Variants in LNPK observed in about 807,000 individuals in gnomAD.
The protein encoded by LNPK is endoplasmic reticulum junction formation protein lunapark.
LNPK carries 29 observed loss-of-function variants against 55.2 expected under a neutral mutation model. The observed-to-expected ratio is 0.53, with a 90% confidence interval of 0.39 to 0.72. The LOEUF (loss-of-function observed/expected upper bound fraction) is 0.72, where lower values mean the gene tolerates loss of function less well. LNPK is among the 30% of genes least tolerant of loss of function. The pLI, the probability that LNPK is intolerant of heterozygous loss-of-function variation, is 0.00. For missense variants in LNPK, 467 were observed against 494.8 expected (o/e 0.94, Z 0.53); for synonymous variants, 162 against 168.2 (o/e 0.96, Z 0.29).
chr2:175,989,228 G>C (rs951677972), intron 4 of LNPK, among the ~76,000 whole-genome samples: 5 of 152,112 alleles, frequency 3.3e-5, no homozygotes, highest in Non-Finnish European at 5.9e-5. Context: ...AATTGTATAA[G>C]AACAAATCCC....
At chr2:175,991,454 G>A (rs559363598) in intron 4 of LNPK, among the ~76,000 whole-genome samples, 21 of 152,150 alleles carry the variant, frequency 1.4e-4, no homozygotes, top group Non-Finnish European at 3.1e-4. Context: ...AGCTTCAGGA[G>A]TTTCAAATTG....
chr2:175,994,561 C>T (rs944130418), intron 2 of LNPK, among the ~76,000 whole-genome samples: 9 of 152,042 alleles, frequency 5.9e-5, no homozygotes, highest in Non-Finnish European at 4.4e-5. Context: ...CTAGCTCTGT[C>T]GCCCAGGCTG....
At chr2:176,002,404 T>C (rs975962871), upstream of LNPK, 3 of 348,058 alleles carry the variant, frequency 8.6e-6, no homozygotes, top group East Asian at 9.3e-5. Flanking sequence ...GGCCGGGAGG[T>C]TAGGATCTTG....
At chr2:175,998,205 A>G (rs1688020259) in intron 1 of LNPK, among the ~76,000 whole-genome samples, 1 of 152,112 alleles carries the variant, frequency 6.6e-6, no homozygotes, top group Middle Eastern at 3.2e-3. Context: ...ACACTTTGGG[A>G]GGCCGAGGCG....
chr2:175,969,084 G>C (rs190172124), intron 6 of LNPK, among the ~76,000 whole-genome samples: 241 of 151,592 alleles, frequency 1.6e-3, no homozygotes, highest in Non-Finnish European at 2.3e-3. Context: ...TTAAAGGCTT[G>C]AACAGTCAAG....
At chr2:176,002,409 A>G (rs1559083237), upstream of LNPK, 3 of 339,952 alleles carry the variant, frequency 8.8e-6, no homozygotes, top group Admixed American at 4.1e-5. Context: ...GGAGGTTAGG[A>G]TCTTGTGTTT....
At chr2:175,993,141 A>G (rs200838039) in intron 3 of LNPK, 41 bp downstream of exon 3, 5 of 1,215,746 alleles carry the variant, frequency 4.1e-6, no homozygotes, top group Non-Finnish European at 5.9e-6. Context: ...TTTACTTAAT[A>G]CCTAAAATGA....
At chr2:175,939,758 A>G (rs575455848) in intron 9 of LNPK, 101 bp from the exon 10 acceptor site, 2 of 550,062 alleles carry the variant, frequency 3.6e-6, no homozygotes, top group South Asian at 3.7e-5. Context: ...AAATTTTAAA[A>G]GGTTTTAACA....
intron 4 of LNPK, among the ~76,000 whole-genome samples, chr2:175,983,954 G>T (rs1687292168): frequency 6.6e-6 from 1 of 150,740 alleles, no homozygotes; most frequent in African/African-American, 2.4e-5. Flanking sequence ...AAAATTTAAG[G>T]TATAGAAAAA....
At chr2:175,933,952 C>T (rs1035646430) in intron 12 of LNPK, among the ~76,000 whole-genome samples, 6 of 152,096 alleles carry the variant, frequency 3.9e-5, no homozygotes, top group Non-Finnish European at 7.4e-5. Context: ...AGGCTGGTCT[C>T]GAACTGACCT....
chr2:175,929,353 T>C lies in LNPK; in HGVS notation c.*614A>G. 1.0e-6 allele frequency: 1 copy of C among 985,826 alleles called. No homozygotes were observed. The highest frequency in any genetic ancestry group is 4.7e-5 in the South Asian group (1 of 21,290). The allele number at this position is 985,826 out of a possible 1,614,324, so 61.1% of individuals were successfully genotyped here. A position where few individuals can be genotyped will look rare whatever the true frequency, so the allele number is the denominator to read the frequency against. On this transcript the variant is annotated 3_prime_UTR_variant, in exon 13 of 13. Transcript: ENST00000272748. Reference sequence around the variant, plus strand: ...AGAAACACTGCAGTTGACTGTTTCATTGCATTCTCACTGAGAATTCGTACC... The same window carrying C: ...AGAAACACTGCAGTTGACTGTTTCACTGCATTCTCACTGAGAATTCGTACC...
chr2:175,994,505 A>G (rs1687843228), intron 2 of LNPK, among the ~76,000 whole-genome samples: 1 of 152,124 alleles, frequency 6.6e-6, no homozygotes, highest in Non-Finnish European at 1.5e-5. Flanking sequence ...CTTACTTTTG[A>G]AAAGAGCATT....
intron 9 of LNPK, among the ~76,000 whole-genome samples, chr2:175,945,278 A>C (rs915245545): frequency 6.7e-6 from 1 of 150,134 alleles, no homozygotes; most frequent in African/African-American, 2.4e-5. Flanking sequence ...GGGAGACCAA[A>C]GTGGGCAGAT....
intron 12 of LNPK, among the ~76,000 whole-genome samples, chr2:175,931,420 T>C (rs909498404): frequency 1.3e-5 from 2 of 152,094 alleles, no homozygotes; most frequent in African/African-American, 4.8e-5. Flanking sequence ...GGTTTTACCA[T>C]ACAAGTTTAT....
intron 10 of LNPK, among the ~76,000 whole-genome samples, chr2:175,939,086 A>G (rs1300303329): frequency 1.3e-5 from 2 of 152,106 alleles, no homozygotes; most frequent in Admixed American, 1.3e-4. Flanking sequence ...TTAAAAATCT[A>G]TACTTTGACA....
intron 8 of LNPK, among the ~76,000 whole-genome samples, chr2:175,948,198 T>A (rs1004167211): frequency 3.9e-5 from 6 of 152,352 alleles, no homozygotes; most frequent in Middle Eastern, 3.4e-3. Flanking sequence ...CCATTCTCCT[T>A]TATGGTATTG....
chr2:175,938,220 G>C, intron 11 of LNPK, 93 bp downstream of exon 11: 1 of 750,672 alleles, frequency 1.3e-6, no homozygotes, highest in South Asian at 1.8e-5. Context: ...TACAAAGAGA[G>C]TATATAAAAT....
chr2:175,924,017 A>G lies in LNPK; in HGVS notation c.*5950T>C, dbSNP rs1412352683. 1.3e-5 allele frequency: 2 copies of G among 152,226 alleles called. No individual in the cohort carries two copies. Among genetic ancestry groups the G allele is most frequent in the Non-Finnish European group, 2.9e-5 (2 of 68,024 alleles). The allele number at this position is 152,226 out of a possible 1,614,324, so 9.4% of individuals were successfully genotyped here. A position where few individuals can be genotyped will look rare whatever the true frequency, so the allele number is the denominator to read the frequency against. On this transcript the variant is annotated 3_prime_UTR_variant, in exon 13 of 13. Transcript: ENST00000272748. ...ATTGACCAGTAGAATGCATACACTT[A>G]AAACTTTAATAATTTTGAAACAAGT...
At chr2:175,952,841 T>C (rs550007618) in intron 8 of LNPK, among the ~76,000 whole-genome samples, 2 of 152,238 alleles carry the variant, frequency 1.3e-5, no homozygotes, top group South Asian at 4.1e-4. Context: ...CCACTACTAA[T>C]GTTGCATTAA....
Sources: gnomAD v4.1 joint callset for allele counts (sites outside exome capture counted in the v4.1 genomes callset) on GRCh38, gnomAD v4.1.1 for gene constraint, MANE v1.5 for transcripts, NCBI Gene and HGNC (gene_info 2026-07-23, HGNC 2026-07-21) for gene names.